The following MAPKBP1 variants were observed in gnomAD, a reference collection of about 807,000 sequenced individuals.
The protein encoded by MAPKBP1 is mitogen-activated protein kinase-binding protein 1.
In MAPKBP1, 71 loss-of-function variants were observed where a neutral mutation model predicts 170.5. The observed-to-expected ratio is 0.42, with a 90% CI of 0.34 to 0.51. The LOEUF (loss-of-function observed/expected upper bound fraction) is 0.51, where lower values mean the gene tolerates loss of function less well. Ranked by LOEUF, MAPKBP1 falls within the 20% of genes least tolerant of loss-of-function variation. MAPKBP1 has a pLI of 0.06. For synonymous variants in MAPKBP1, 719 were observed against 757.9 expected (o/e 0.95, Z 0.84); for missense variants, 1,598 against 1,933.0 (o/e 0.83, Z 3.25).
In MAPKBP1 at chr15:41,815,391, A is replaced by G. The variant is rs1567150661; in HGVS notation, c.1303A>G (p.Asn435Asp). The G allele has an allele frequency of 6.2e-7, 1 of 1,614,088 alleles. No individual in the cohort carries two copies. The highest frequency in any genetic ancestry group is 1.6e-4 in the Middle Eastern group (1 of 6,062). The change falls in exon 11 of 31, where the codon AAC becomes GAC. Residue 435 changes from asparagine to aspartate, a missense_variant. Transcript: ENST00000457542. ...GGTGCATGGCTCCACCCTCCACCGA[A>G]ACATCCTCAGCAGTGTGAGCCCTGA... ...SGVHGSTLHR[N>D]ILSSDLIKII...
rs1458648342 is a variant in MAPKBP1 at position 41,816,918 on chromosome 15, C to T, written c.1594C>T (p.Leu532=). The part of the protein sequence containing the change: ...EYSKPDTGLK[L]LASASRDRLI... ...AGTTCTTTCATCCCCAGGTCTGAAA[C>T]TGCTAGCATCGGCGAGCCGGGACCG... Residue 532 remains leucine, a synonymous_variant, in exon 14 of 31, where the codon CTG becomes TTG. Transcript: ENST00000457542. The T allele has an allele frequency of 1.2e-6, 2 of 1,607,990 alleles. No homozygotes were observed. The highest frequency in any genetic ancestry group is 1.7e-6 in the Non-Finnish European group (2 of 1,176,284).
chr15:41,822,302 G>A lies in MAPKBP1; in HGVS notation c.3109G>A (p.Glu1037Lys). 6 of 1,614,098 alleles carry A rather than the reference G, an allele frequency of 3.7e-6. No individual in the cohort carries two copies. The highest frequency in any genetic ancestry group is 4.2e-6 in the Non-Finnish European group (5 of 1,179,992). ...AGAGCCAGCTGAGGGTGATGAAGAA[G>A]AGGAAGAAGAGGAGGGAGGCATGGG... ...LEEPAEGDEE[E>K]EEEEGGMGPY... Residue 1037 changes from glutamate to lysine, a missense_variant, in exon 26 of 31, where the codon GAG becomes AAG. Coordinates refer to ENST00000457542, the MANE Select transcript of MAPKBP1 (RefSeq NM_014994.3).
At chr15:41,785,381 GTATT>G (rs2064266434) in intron 2 of MAPKBP1, among the ~76,000 whole-genome samples, 2 of 152,120 alleles carry the variant, frequency 1.3e-5, no homozygotes, top group Non-Finnish European at 2.9e-5. Flanking sequence ...TGTGTGTAAT[GTATT>G]TCAGGACTAT....
rs1201689 is a variant in MAPKBP1 at position 41,813,720 on chromosome 15, C to G, written c.919C>G (p.Leu307Val). 576,685 of 1,611,870 alleles carry G rather than the reference C, an allele frequency of 0.36. 106,187 individuals are homozygous for G. The highest frequency in any genetic ancestry group is 0.46 in the Middle Eastern group (2,802 of 6,052). ...TTTCAACCCCTCTAACCTGCACTTC[C>G]TTAGCACCTTGCCCCGACCCCATGC... ...RLFNPSNLHFLSTLPRPHALG... is the reference protein window; with the variant it reads ...RLFNPSNLHFVSTLPRPHALG... The change falls in exon 9 of 31, where the codon CTT becomes GTT. Residue 307 changes from leucine (L) to valine (V), a missense_variant. Coordinates refer to ENST00000457542, the MANE Select transcript of MAPKBP1 (RefSeq NM_014994.3).
intron 10 of MAPKBP1, 61 bp from the exon 11 acceptor site, chr15:41,815,198 T>A: frequency 6.2e-7 from 1 of 1,600,020 alleles, no homozygotes; most frequent in Non-Finnish European, 8.5e-7. Context: ...TTCCATCTCC[T>A]TGGGTAGGCA....
At chr15:41,775,459 C>T in intron 2 of MAPKBP1, 70 bp downstream of exon 2, 1 of 1,154,622 alleles carries the variant, frequency 8.7e-7, no homozygotes, top group South Asian at 1.3e-5. Context: ...GTTAACCTTC[C>T]TGTTTCTTGG....
intron 3 of MAPKBP1, among the ~76,000 whole-genome samples, chr15:41,809,304 T>G (rs1445768099): frequency 6.6e-6 from 1 of 151,610 alleles, no homozygotes; most frequent in Non-Finnish European, 1.5e-5. Flanking sequence ...GTTGAGGGGT[T>G]AGAGGAGAAA....
Position 41,793,314 on chromosome 15 carries a change from C to T in MAPKBP1, c.115-6509C>T, listed in dbSNP as rs557388306. ...CATACTGGCTAACACGGTGAAACCC[C>T]GTCTCTACTAAAAATACAAAAAATT... On this transcript the variant is annotated intron_variant, in intron 2 of 30. Transcript: ENST00000457542. Among the ~76,000 whole-genome samples, 206 of 151,940 alleles carry T rather than the reference C, an allele frequency of 1.4e-3. 1 individual carries two copies. Among genetic ancestry groups the T allele is most frequent in the Non-Finnish European group, 2.3e-3 (154 of 67,992 alleles).
At chr15:41,816,269 A>C in intron 12 of MAPKBP1, 2 of 449,518 alleles carry the variant, frequency 4.4e-6, no homozygotes, top group Non-Finnish European at 8.0e-6. Context: ...GAGTCAAGAA[A>C]AAGGACATAG....
At chr15:41,780,724 C>A (rs944140364) in intron 2 of MAPKBP1, among the ~76,000 whole-genome samples, 18 of 151,426 alleles carry the variant, frequency 1.2e-4, no homozygotes, top group African/African-American at 4.4e-4. Context: ...TGTTTATTAC[C>A]CCATTTGTGG....
chr15:41,777,280 G>T (rs949111811), intron 2 of MAPKBP1, among the ~76,000 whole-genome samples: 1 of 151,546 alleles, frequency 6.6e-6, no homozygotes, highest in Non-Finnish European at 1.5e-5. Context: ...GGCTGAGGTT[G>T]CAGTGAGCTC....
chr15:41,785,869 G>T (rs1264746136), intron 2 of MAPKBP1, among the ~76,000 whole-genome samples: 1 of 152,156 alleles, frequency 6.6e-6, no homozygotes, highest in Non-Finnish European at 1.5e-5. Context: ...CATACCTTTT[G>T]ATTCAGCAGT....
intron 2 of MAPKBP1, among the ~76,000 whole-genome samples, chr15:41,794,553 TCA>T (rs1476385881): frequency 6.6e-6 from 1 of 152,192 alleles, no homozygotes; most frequent in Non-Finnish European, 1.5e-5. Context: ...CCTCGGTCGG[TCA>T]TAGCCTTTCT....
intron 3 of MAPKBP1, among the ~76,000 whole-genome samples, chr15:41,804,758 C>T (rs1000218103): frequency 1.1e-4 from 16 of 152,368 alleles, no homozygotes; most frequent in East Asian, 1.9e-4. Flanking sequence ...GTTTCCTAAG[C>T]GTGTATGCTT....
At chr15:41,808,105 C>CTTTT (rs544983500) in intron 3 of MAPKBP1, among the ~76,000 whole-genome samples, 305 of 109,438 alleles carry the variant, frequency 2.8e-3, no homozygotes, top group Non-Finnish European at 3.6e-3. Context: ...TTCTTTCTTT[C>CTTTT]TTTTTTTTTT....
At chr15:41,825,137 C>G in intron 30 of MAPKBP1, 72 bp from the exon 31 acceptor site, 1 of 1,313,184 alleles carries the variant, frequency 7.6e-7, no homozygotes, top group Non-Finnish European at 1.0e-6. Context: ...AGGCTGGACC[C>G]AGGTGGGGCC....
rs765800997 is a variant in MAPKBP1, at chr15:41,823,800, G to A, written c.3952G>A (p.Glu1318Lys). The stretch of plus-strand genomic sequence containing the variant: ...TGTCACCAAAGGCCGGGCCCCTGGC[G>A]AGGCAGAAAAGCCTGGCTTCCCGGT... Reference protein sequence around the residue: ...SPVTKGRAPGEAEKPGFPVGL... With the variant: ...SPVTKGRAPGKAEKPGFPVGL... The change falls in exon 29 of 31, where the codon GAG (glutamate) becomes AAG (lysine). Residue 1318 changes from glutamate to lysine, a missense_variant. Glu to Lys is a moderately conservative substitution (Grantham distance 56). This residue lies in a region of MAPKBP1 where 942 missense variants were observed against 953.2 expected (regional missense o/e 0.99). Coordinates refer to ENST00000457542, the MANE Select transcript of MAPKBP1 (RefSeq NM_014994.3). The A allele has an allele frequency of 2.7e-5, 44 of 1,613,968 alleles. No individual in the cohort carries two copies. Among genetic ancestry groups the A allele is most frequent in the Non-Finnish European group, 3.0e-5 (35 of 1,180,014 alleles).
intron 13 of MAPKBP1, 23 bp from the exon 14 acceptor site, chr15:41,816,887 T>C: frequency 6.3e-7 from 1 of 1,590,832 alleles, no homozygotes; most frequent in Non-Finnish European, 8.6e-7. Context: ...ACTCATGGGC[T>C]GATGGAGTTC....
At position 41,815,290 on chromosome 15, in the gene MAPKBP1, C is replaced by T. The variant is rs1274335174; in HGVS notation, c.1202C>T (p.Ala401Val). Residue 401 changes from alanine (A) to valine (V), a missense_variant, in exon 11 of 31, where the codon GCC (alanine) becomes GTC (valine). Around this residue, in one of 6 missense-constraint regions of MAPKBP1, gnomAD observed 430 missense variants for 617.2 expected, o/e 0.70. Coordinates refer to ENST00000457542, the MANE Select transcript of MAPKBP1 (RefSeq NM_014994.3). ...CCCGAGGTGAAGGATAGTAACCAGG[C>T]CTGCCTGCCCCCCAGTTCCTTTATT... ...VYPEVKDSNQ[A>V]CLPPSSFITC... is the part of the protein sequence containing the mutation. 6.2e-7 allele frequency: 1 copy of T among 1,614,220 alleles called. No homozygotes were observed. The highest frequency in any genetic ancestry group is 8.5e-7 in the Non-Finnish European group (1 of 1,180,028).
Sources: gnomAD v4.1 joint callset for allele counts (sites outside exome capture counted in the v4.1 genomes callset) on GRCh38, gnomAD v4.1.1 for gene constraint, gnomAD v4.1.1 regional missense constraint, MANE v1.5 for transcripts, NCBI Gene and HGNC (gene_info 2026-07-23, HGNC 2026-07-21) for gene names.